Variants in SLC44A2 observed in about 807,000 individuals in gnomAD.
SLC44A2 encodes the protein choline transporter-like protein 2.
A neutral mutation model predicts 90.8 loss-of-function variants in SLC44A2; 57 were observed. That is an observed-to-expected ratio of 0.63 (90% CI 0.51 to 0.78). SLC44A2 has a LOEUF of 0.78. Among genes scored for constraint, SLC44A2 ranks in the 30% least tolerant of loss-of-function variants. The probability of loss-of-function intolerance (pLI) is 0.00; values close to 1 mark genes in which losing one functional copy is unlikely to be tolerated. For synonymous variants in SLC44A2, 355 were observed against 360.7 expected, an observed-to-expected ratio of 0.98 and a Z score of 0.18; for missense variants, 794 against 919.7, an observed-to-expected ratio of 0.86 and a Z score of 1.77.
chr19:10,612,924 C>T lies in SLC44A2; in HGVS notation c.31+10363C>T, dbSNP rs1019436552. On this transcript the variant is annotated intron_variant, in intron 1 of 21. Transcript: ENST00000407327. Reference sequence around the variant, plus strand: ...AAGGCCTGGGTTGGCTCCAGCAGGGCGTTGGTTTGACTCCTGGCTGTGCTC... The same window carrying T: ...AAGGCCTGGGTTGGCTCCAGCAGGGTGTTGGTTTGACTCCTGGCTGTGCTC... Among the ~76,000 whole-genome samples, 5 of 152,302 alleles carry T rather than the reference C, an allele frequency of 3.3e-5. No homozygotes were observed. The South Asian group carries it at 1.0e-3, about 32-fold the overall frequency.
chr19:10,635,531 G>A lies in SLC44A2; in HGVS notation c.1233+16G>A. On this transcript the variant is annotated intron_variant, in intron 14 of 21. Transcript: ENST00000335757. The stretch of plus-strand genomic sequence containing the variant: ...CAACCCAGAGGTGGGCGTCCCCGGG[G>A]TGGGGAGGGCAGGTATTGCCCCAGC... 3 of 1,608,780 alleles carry A rather than the reference G, an allele frequency of 1.9e-6. No homozygotes were observed. Among genetic ancestry groups the A allele is most frequent in the South Asian group, 1.1e-5 (1 of 90,796 alleles).
At chr19:10,623,619 T>C (rs1048632483), upstream of SLC44A2, among the ~76,000 whole-genome samples, 9 of 151,940 alleles carry the variant, frequency 5.9e-5, no homozygotes, top group African/African-American at 2.2e-4. Flanking sequence ...GGTGGGAGGA[T>C]TGCTTAAGGC....
rs534136550 is a variant in SLC44A2 at position 10,609,159 on chromosome 19, T to C, written c.31+6598T>C. ...TTTTGGTAGAGACGGGGTTTCACCATATTGGCCAGGCTGGTCTTGAACTCC... is the reference window on the plus strand; with the variant it reads ...TTTTGGTAGAGACGGGGTTTCACCACATTGGCCAGGCTGGTCTTGAACTCC... On this transcript the variant is annotated intron_variant, in intron 1 of 21. Coordinates refer to the SLC44A2 transcript ENST00000407327. Among the ~76,000 whole-genome samples, 36 of 152,114 alleles carry C rather than the reference T, an allele frequency of 2.4e-4. 1 individual carries two copies. The South Asian group carries it at 7.3e-3, about 31-fold the overall frequency.
intron 16 of SLC44A2, among the ~76,000 whole-genome samples, chr19:10,637,294 G>C (rs954349475): frequency 6.6e-6 from 1 of 152,162 alleles, no homozygotes; most frequent in African/African-American, 2.4e-5. Flanking sequence ...TGAGGTTTCA[G>C]TGGGCCGAGA....
At chr19:10,616,208 A>G in intron 1 of SLC44A2, among the ~76,000 whole-genome samples, 1 of 151,630 alleles carries the variant, frequency 6.6e-6, no homozygotes, top group East Asian at 1.9e-4. Context: ...TTATTTATTT[A>G]TTGAAACAGA....
chr19:10,641,793 C>T (rs915589646), intron 20 of SLC44A2, among the ~76,000 whole-genome samples: 1 of 150,602 alleles, frequency 6.6e-6, no homozygotes, highest in African/African-American at 2.4e-5. Flanking sequence ...TTGCAGTGAG[C>T]TGAGATTGCA....
chr19:10,616,019 G>A (rs181767743), intron 1 of SLC44A2, among the ~76,000 whole-genome samples: 29 of 151,896 alleles, frequency 1.9e-4, no homozygotes, highest in Admixed American at 5.3e-4. Context: ...AAAATTAGCC[G>A]GGCATGGTGA....
rs370647260 is a variant in SLC44A2, at chr19:10,627,941, G to A, written c.182G>A (p.Arg61Gln). Residue 61 changes from arginine (R) to glutamine (Q), a missense_variant, in exon 4 of 22, where the codon CGA (arginine) becomes CAA (glutamine). Coordinates refer to ENST00000335757, the MANE Select transcript of SLC44A2 (RefSeq NM_020428.4). ...ACAGCCTGGACTCATGGAGACCCTC[G>A]AAAGGTGATCTACCCCACTGACAGC... ...GIIAWTHGDP[R>Q]KVIYPTDSRG... 6.2e-6 allele frequency: 10 copies of A among 1,613,840 alleles called. No homozygotes were observed. The African/African-American group carries it at 8.0e-5, about 13-fold the overall frequency.
chr19:10,643,081 G>A (rs548568749), intron 21 of SLC44A2, 198 bp from the exon 22 acceptor site: 25 of 1,457,646 alleles, frequency 1.7e-5, no homozygotes, highest in East Asian at 4.9e-5. Flanking sequence ...TGCATGAAGC[G>A]GGGGGGTTCC....
chr19:10,608,460 C>T (rs1268668737), intron 1 of SLC44A2, among the ~76,000 whole-genome samples: 2 of 151,356 alleles, frequency 1.3e-5, no homozygotes, highest in African/African-American at 4.9e-5. Flanking sequence ...AACTTTTTTT[C>T]GAAGTTGGAA....
In SLC44A2 at chr19:10,627,769, T is replaced by C. The variant is rs1022519396; in HGVS notation, c.134T>C (p.Val45Ala). 1.9e-6 allele frequency: 3 copies of C among 1,613,828 alleles called. No homozygotes were observed. The African/African-American group carries it at 4.0e-5, about 22-fold the overall frequency. ...ICCVFLLLAI[V>A]GYVAVGIIAW... is the part of the protein sequence containing the mutation. Reference sequence around the variant, plus strand: ...TGTGTGTTCCTGCTCCTGGCCATTGTGGGCTACGTGGCTGTAGGCATCATA... The same window carrying C: ...TGTGTGTTCCTGCTCCTGGCCATTGCGGGCTACGTGGCTGTAGGCATCATA... The change falls in exon 3 of 22, where the codon GTG becomes GCG. Residue 45 changes from valine to alanine, a missense_variant. Around this residue, in one of 3 missense-constraint regions of SLC44A2, gnomAD observed 738 missense variants for 841.1 expected, o/e 0.88. Transcript: ENST00000335757.
intron 1 of SLC44A2, among the ~76,000 whole-genome samples, chr19:10,605,332 T>C (rs1918071612): frequency 6.6e-6 from 1 of 151,808 alleles, no homozygotes; most frequent in Admixed American, 6.6e-5. Context: ...CTGACCAACA[T>C]GGTGAATTCC....
chr19:10,617,159 A>T (rs1444653745), intron 1 of SLC44A2, among the ~76,000 whole-genome samples: 1 of 54,454 alleles, frequency 1.8e-5, no homozygotes, highest in Non-Finnish European at 3.6e-5. Context: ...TGACCTCGTG[A>T]TCCGCCCGCC....
intron 1 of SLC44A2, among the ~76,000 whole-genome samples, chr19:10,617,714 T>C (rs2066866638): frequency 6.6e-6 from 1 of 152,180 alleles, no homozygotes; most frequent in African/African-American, 2.4e-5. Flanking sequence ...GCCCTTCCCT[T>C]TTCTGAGCCT....
Position 10,637,685 on chromosome 19 carries a change from A to C in SLC44A2, c.1633A>C (p.Lys545Gln). The C allele has an allele frequency of 6.2e-7, 1 of 1,614,118 alleles. No individual in the cohort carries two copies. Among genetic ancestry groups the C allele is most frequent in the Non-Finnish European group, 8.5e-7 (1 of 1,180,024 alleles). Residue 545 changes from lysine to glutamine, a missense_variant, in exon 17 of 22, where the codon AAA becomes CAA. Lys to Gln is a moderately conservative substitution (Grantham distance 53). This residue lies in a region of SLC44A2 where 738 missense variants were observed against 841.1 expected (regional missense o/e 0.88). Transcript: ENST00000335757. ...TGCCAAGTGCCTCATGACCTGTCTC[A>C]AATGCTGCTTCTGGTGCCTGGAGAA... ...KFAKCLMTCLKCCFWCLEKFI... is the reference protein window; with the variant it reads ...KFAKCLMTCLQCCFWCLEKFI...
At chr19:10,638,368 T>A in intron 20 of SLC44A2, 53 bp downstream of exon 20, 1 of 1,528,914 alleles carries the variant, frequency 6.5e-7, no homozygotes, top group South Asian at 1.1e-5. Flanking sequence ...GTGTTGGGAT[T>A]TGCTTGGTCT....
intron 20 of SLC44A2, among the ~76,000 whole-genome samples, chr19:10,640,581 C>T (rs1224868604): frequency 1.3e-5 from 2 of 152,054 alleles, no homozygotes; most frequent in Non-Finnish European, 2.9e-5. Context: ...CATGAGCCAC[C>T]ACGCCCAGCC....
In SLC44A2 at chr19:10,637,682, C is replaced by T; in HGVS notation, c.1630C>T (p.Leu544Phe). 2 of 1,614,128 alleles carry T rather than the reference C, an allele frequency of 1.2e-6. No homozygotes were observed. Among genetic ancestry groups the T allele is most frequent in the Non-Finnish European group, 1.7e-6 (2 of 1,180,024 alleles). ...GTTTGCCAAGTGCCTCATGACCTGT[C>T]TCAAATGCTGCTTCTGGTGCCTGGA... ...NKFAKCLMTC[L>F]KCCFWCLEKF... The change falls in exon 17 of 22, where the codon CTC becomes TTC. Residue 544 changes from leucine (L) to phenylalanine (F), a missense_variant. By Grantham distance (22) the Leu-to-Phe change is conservative. This residue lies in a region of SLC44A2 where 738 missense variants were observed against 841.1 expected (regional missense o/e 0.88). Coordinates refer to ENST00000335757, the MANE Select transcript of SLC44A2 (RefSeq NM_020428.4).
At chr19:10,613,505 C>T (rs554176031) in intron 1 of SLC44A2, among the ~76,000 whole-genome samples, 76 of 152,280 alleles carry the variant, frequency 5.0e-4, no homozygotes, top group African/African-American at 1.7e-3. Context: ...CCTGCCTTGA[C>T]TTCCCAAAGT....
Sources: allele counts gnomAD v4.1 joint callset (sites outside exome capture counted in the v4.1 genomes callset), GRCh38; gene constraint gnomAD v4.1.1; regional missense constraint gnomAD v4.1.1; transcripts MANE v1.5; gene names NCBI Gene and HGNC (gene_info 2026-07-23, HGNC 2026-07-21).